Variants in PHRF1 observed in about 807,000 individuals in gnomAD.
The protein encoded by PHRF1 is PHD and ring finger domains 1, also known as PHD and RING finger domain-containing protein 1.
In PHRF1, 53 loss-of-function variants were observed where a neutral mutation model predicts 128.9. The observed-to-expected ratio is 0.41, with a 90% CI of 0.33 to 0.52. The LOEUF is 0.52. Ranked by LOEUF, PHRF1 falls within the 20% of genes least tolerant of loss-of-function variation. PHRF1 has a pLI of 0.21. For synonymous variants in PHRF1, 1,178 were observed against 980.6 expected, an observed-to-expected ratio of 1.20 and a Z score of -3.76; for missense variants, 2,503 against 2,284.5, an observed-to-expected ratio of 1.10 and a Z score of -1.95.
intron 11 of PHRF1, 35 bp downstream of exon 11, chr11:605,335 C>A: frequency 6.2e-7 from 1 of 1,602,826 alleles, no homozygotes. Context: ...CCTGGGCACC[C>A]GCTCCTCTCC....
At position 608,686 on chromosome 11, in the gene PHRF1, A is replaced by G; in HGVS notation, c.3230A>G (p.His1077Arg). The G allele has an allele frequency of 6.2e-7, 1 of 1,612,128 alleles. No homozygotes were observed. The highest frequency in any genetic ancestry group is 1.3e-5 in the African/African-American group (1 of 75,046). ...RKKAKDKSREHRRGPWGHSRR... is the reference protein window; with the variant it reads ...RKKAKDKSRERRRGPWGHSRR... Reference sequence around the variant, plus strand: ...AAAGCCAAGGACAAGAGCAGGGAGCACAGGCGGGGCCCCTGGGGCCACAGC... The same window carrying G: ...AAAGCCAAGGACAAGAGCAGGGAGCGCAGGCGGGGCCCCTGGGGCCACAGC... Residue 1077 changes from histidine (H) to arginine (R), a missense_variant, in exon 14 of 18, where the codon CAC (histidine) becomes CGC (arginine). Transcript: ENST00000264555.
rs571248017 is a variant in PHRF1 at position 609,094 on chromosome 11, G to A, written c.3638G>A (p.Arg1213Gln). ...PAPLAQGEPG[R>Q]EDLPTRLPAL... ...CCCCTTGCACAGGGGGAGCCAGGGC[G>A]GGAAGACCTCCCCACCAGGTTGCCA... is the stretch of plus-strand genomic sequence containing the variant. The change falls in exon 14 of 18, where the codon CGG becomes CAG. Residue 1213 changes from arginine (R) to glutamine (Q), a missense_variant. Arg to Gln is a conservative substitution (Grantham distance 43, BLOSUM62 1). Transcript: ENST00000264555. 47 of 1,604,188 alleles carry A rather than the reference G, an allele frequency of 2.9e-5. No individual in the cohort carries two copies. Among genetic ancestry groups the A allele is most frequent in the Middle Eastern group, 1.7e-4 (1 of 6,042 alleles).
At position 611,991 on chromosome 11, in the gene PHRF1, C is replaced by T; in HGVS notation, c.*214C>T. ...GTGTTGCTCACAGTTGAAAACTGGA[C>T]ACTTTTGTATGTATATTATAGAGAC... On this transcript the variant is annotated 3_prime_UTR_variant, in exon 18 of 18. Coordinates refer to ENST00000264555, the MANE Select transcript of PHRF1 (RefSeq NM_001286581.2). 1.5e-6 allele frequency: 1 copy of T among 680,456 alleles called. No homozygotes were observed. The highest frequency in any genetic ancestry group is 4.1e-4 in the Middle Eastern group (1 of 2,418). 42.2% of individuals were successfully genotyped at this position (680,456 alleles called of 1,614,324 possible).
chr11:605,810 GCT>G (rs1855905507), intron 12 of PHRF1, 86 bp downstream of exon 12: 1 of 1,477,674 alleles, frequency 6.8e-7, no homozygotes, highest in African/African-American at 1.4e-5. Context: ...TGATAGCCTG[GCT>G]CTCTGTGGCC....
In PHRF1 at chr11:607,976, C is replaced by T. The variant is rs758875611; in HGVS notation, c.2520C>T (p.Ser840=). Residue 840 remains serine (S), a synonymous_variant, in exon 14 of 18, where the codon TCC becomes TCT. Coordinates refer to ENST00000264555, the MANE Select transcript of PHRF1 (RefSeq NM_001286581.2). The part of the protein sequence containing the change: ...YDPSDPTGSD[S]SAPGSSPERS... ...CATCCGACCCCACCGGCTCCGACTC[C>T]AGCGCCCCTGGCAGCAGCCCCGAGA... is the stretch of plus-strand genomic sequence containing the variant. 1.1e-5 allele frequency: 18 copies of T among 1,611,614 alleles called. No individual in the cohort carries two copies. Among genetic ancestry groups the T allele is most frequent in the African/African-American group, 4.0e-5 (3 of 74,896 alleles).
chr11:586,594 C>T (rs1854579712), intron 3 of PHRF1, among the ~76,000 whole-genome samples: 2 of 152,226 alleles, frequency 1.3e-5, no homozygotes, highest in African/African-American at 4.8e-5. Flanking sequence ...AGCGTTGTTT[C>T]ATTGGAGTTT....
intron 3 of PHRF1, among the ~76,000 whole-genome samples, chr11:583,316 A>G (rs925961755): frequency 2.7e-5 from 4 of 150,164 alleles, no homozygotes; most frequent in Admixed American, 1.3e-4. Context: ...CAGCCTGGGC[A>G]ACAGAGCGAG....
At chr11:601,830 T>C in intron 10 of PHRF1, 129 bp downstream of exon 10, 1 of 1,185,232 alleles carries the variant, frequency 8.4e-7, no homozygotes, top group Middle Eastern at 2.6e-4. Context: ...ATCATCATCG[T>C]CTTTGCTTTT....
At chr11:579,968 C>A (rs993624327) in intron 1 of PHRF1, among the ~76,000 whole-genome samples, 2 of 152,206 alleles carry the variant, frequency 1.3e-5, no homozygotes, top group African/African-American at 2.4e-5. Flanking sequence ...CACTTTCCCC[C>A]GTTGCTGTGG....
intron 3 of PHRF1, among the ~76,000 whole-genome samples, chr11:584,653 G>T (rs909364516): frequency 2.0e-5 from 3 of 151,858 alleles, no homozygotes; most frequent in Non-Finnish European, 4.4e-5. Flanking sequence ...TGAGCGCCCC[G>T]AAGGAAGGGG....
Position 592,578 on chromosome 11 carries a change from A to G in PHRF1, c.524A>G (p.Lys175Arg), listed in dbSNP as rs200851835. ...TCCTAGATCCCAGTGGAGAACACCA[A>G]AGCGAGCGAGGAGGAGGAGGACCCG... ...ILRKIPVENT[K>R]ASEEEEDPTF... The change falls in exon 6 of 18, where the codon AAA becomes AGA. Residue 175 changes from lysine to arginine, a missense_variant. By Grantham distance (26) the Lys-to-Arg change is conservative. Transcript: ENST00000264555. 3.9e-5 allele frequency: 63 copies of G among 1,614,072 alleles called. 1 individual carries two copies. In the East Asian group the frequency reaches 1.4e-3, roughly 35 times the overall value.
In PHRF1 at chr11:608,136, C is replaced by T. The variant is rs1589901733; in HGVS notation, c.2680C>T (p.Pro894Ser). The part of the protein sequence containing the change: ...VESIFGTEPE[P>S]PLGPSSAMSK... ...GAGCATCTTTGGTACAGAGCCCGAA[C>T]CCCCTCTCGGACCGTCCTCCGCCAT... Residue 894 changes from proline to serine, a missense_variant, in exon 14 of 18, where the codon CCC (proline) becomes TCC (serine). Physicochemically the swap from Pro to Ser is moderately conservative, Grantham distance 74 (BLOSUM62 -1). Transcript: ENST00000264555. 1 of 1,611,552 alleles carries T rather than the reference C, an allele frequency of 6.2e-7. No individual in the cohort carries two copies. The highest frequency in any genetic ancestry group is 1.1e-5 in the South Asian group (1 of 91,086).
chr11:580,060 A>T (rs546336868), intron 1 of PHRF1, among the ~76,000 whole-genome samples: 3 of 152,190 alleles, frequency 2.0e-5, no homozygotes, highest in Non-Finnish European at 4.4e-5. Flanking sequence ...CTGGCCCCCT[A>T]CTTCCTGGCC....
chr11:590,009 AGAGT>A, intron 4 of PHRF1, among the ~76,000 whole-genome samples: 1 of 150,666 alleles, frequency 6.6e-6, no homozygotes, highest in African/African-American at 2.5e-5. Flanking sequence ...TCAGCCTCAG[AGAGT>A]GTCTGTAAAC....
At chr11:594,157 T>C (rs1309823005) in intron 6 of PHRF1, among the ~76,000 whole-genome samples, 1 of 152,236 alleles carries the variant, frequency 6.6e-6, no homozygotes, top group Non-Finnish European at 1.5e-5. Context: ...TGCCCATGTG[T>C]AGGACTGGTC....
At position 598,441 on chromosome 11, in the gene PHRF1, C is replaced by T. The variant is rs1855430687; in HGVS notation, c.963C>T (p.Ser321=). The T allele has an allele frequency of 6.2e-7, 1 of 1,611,258 alleles. No individual in the cohort carries two copies. Residue 321 remains serine, a synonymous_variant, in exon 9 of 18, where the codon AGC becomes AGT. Transcript: ENST00000264555. ...TCGAGGCTGTGGCGACTGGCCTGAG[C>T]ACTGCCGTGTATCAGCGCCCCCTGA... ...EAIEAVATGL[S]TAVYQRPLTP...
chr11:576,524 T>G lies in PHRF1; in HGVS notation c.-90T>G, dbSNP rs1023512955. ...CGGCAGAGGCGGCGGCGGCCGGGCCTAGGAGCGACTCTCGGTCGTGCAGCG... is the reference window on the plus strand; with the variant it reads ...CGGCAGAGGCGGCGGCGGCCGGGCCGAGGAGCGACTCTCGGTCGTGCAGCG... On this transcript the variant is annotated 5_prime_UTR_variant, in exon 1 of 18. Coordinates refer to ENST00000264555, the MANE Select transcript of PHRF1 (RefSeq NM_001286581.2). 7 of 152,486 alleles carry G rather than the reference T, an allele frequency of 4.6e-5. No individual in the cohort carries two copies. Among genetic ancestry groups the G allele is most frequent in the African/African-American group, 1.7e-4 (7 of 41,180 alleles). 9.4% of individuals were successfully genotyped at this position (152,486 alleles called of 1,614,324 possible).
chr11:576,981 G>C (rs1361219104), intron 1 of PHRF1, among the ~76,000 whole-genome samples: 2 of 152,072 alleles, frequency 1.3e-5, no homozygotes, highest in African/African-American at 4.8e-5. Context: ...GAGCCCACTC[G>C]CCTCGCTCTG....
chr11:609,076 C>T lies in PHRF1; in HGVS notation c.3620C>T (p.Ala1207Val). 1 of 1,601,654 alleles carries T rather than the reference C, an allele frequency of 6.2e-7. No individual in the cohort carries two copies. Among genetic ancestry groups the T allele is most frequent in the Non-Finnish European group, 8.5e-7 (1 of 1,174,648 alleles). ...AGGGAGGCTTCCCCAGCGCCCCTTG[C>T]ACAGGGGGAGCCAGGGCGGGAAGAC... The part of the protein sequence containing the change: ...AVREASPAPL[A>V]QGEPGREDLP... The change falls in exon 14 of 18, where the codon GCA becomes GTA. Residue 1207 changes from alanine to valine, a missense_variant. Transcript: ENST00000264555.
Sources: gnomAD v4.1 joint callset for allele counts (sites outside exome capture counted in the v4.1 genomes callset) on GRCh38, gnomAD v4.1.1 for gene constraint, MANE v1.5 for transcripts, NCBI Gene and HGNC (gene_info 2026-07-23, HGNC 2026-07-21) for gene names.